ZNF385B: variants seen among roughly 807,000 people sequenced by gnomAD.
ZNF385B encodes zinc finger protein 533.
ZNF385B carries 23 observed loss-of-function variants against 39.2 expected under a neutral mutation model. The ratio of observed to expected loss-of-function variants is 0.59; its 90% confidence interval spans 0.42 to 0.83. ZNF385B has a LOEUF of 0.83. Among genes scored for constraint, ZNF385B ranks in the 40% least tolerant of loss-of-function variants. ZNF385B has a pLI of 0.00. For missense variants in ZNF385B, 552 were observed against 598.9 expected, an observed-to-expected ratio of 0.92 and a Z score of 0.82; for synonymous variants, 205 against 222.6, an observed-to-expected ratio of 0.92 and a Z score of 0.70.
In ZNF385B at chr2:179,510,655, T is replaced by TCCAGTTGTTAA. The variant is rs541189358; in HGVS notation, c.552+7862_552+7872dup. Among the ~76,000 whole-genome samples the TCCAGTTGTTAA allele has an allele frequency of 5.1e-3, 770 of 152,126 alleles. 8 individuals carry two copies. Among genetic ancestry groups the TCCAGTTGTTAA allele is most frequent in the African/African-American group, 0.018 (731 of 41,512 alleles). The stretch of plus-strand genomic sequence containing the variant: ...AATACCTCTGATTTAAAACAATGAA[T>TCCAGTTGTTAA]CCAGTTGTTAAGCTAAAAAAACTTC... On this transcript the variant is annotated intron_variant, in intron 5 of 9. Coordinates refer to ENST00000410066, the MANE Select transcript of ZNF385B (RefSeq NM_152520.6).
At chr2:179,787,115 AT>A (rs982640715) in intron 1 of ZNF385B, among the ~76,000 whole-genome samples, 5 of 151,640 alleles carry the variant, frequency 3.3e-5, no homozygotes, top group East Asian at 1.9e-4. Context: ...ATTATGATGG[AT>A]TTTTTTTGTA....
intron 3 of ZNF385B, among the ~76,000 whole-genome samples, chr2:179,547,994 A>G (rs1224408527): frequency 6.7e-6 from 1 of 149,564 alleles, no homozygotes; most frequent in Non-Finnish European, 1.5e-5. Context: ...TATTATAAAT[A>G]GGATTACCTT....
intron 1 of ZNF385B, among the ~76,000 whole-genome samples, chr2:179,840,050 G>C (rs1708462978): frequency 6.6e-6 from 1 of 152,246 alleles, no homozygotes; most frequent in Non-Finnish European, 1.5e-5. Context: ...ACAAGGGTGA[G>C]GGTCGATCTG....
At chr2:179,690,982 C>G (rs1388885158) in intron 3 of ZNF385B, among the ~76,000 whole-genome samples, 1 of 152,198 alleles carries the variant, frequency 6.6e-6, no homozygotes, top group Non-Finnish European at 1.5e-5. Flanking sequence ...TGACTCTGAT[C>G]TACTCCATCT....
At chr2:179,830,832 G>A (rs1707943143) in intron 1 of ZNF385B, among the ~76,000 whole-genome samples, 1 of 152,136 alleles carries the variant, frequency 6.6e-6, no homozygotes, top group South Asian at 2.1e-4. Flanking sequence ...ACAACACAAA[G>A]AGTGAACATT....
At chr2:179,580,997 C>T (rs889024596) in intron 3 of ZNF385B, among the ~76,000 whole-genome samples, 5 of 152,184 alleles carry the variant, frequency 3.3e-5, no homozygotes, top group African/African-American at 7.2e-5. Context: ...GTATAAACTA[C>T]TTTCCCTGGA....
chr2:179,653,314 G>A (rs1199148966), intron 3 of ZNF385B, among the ~76,000 whole-genome samples: 4 of 152,208 alleles, frequency 2.6e-5, no homozygotes, highest in Non-Finnish European at 5.9e-5. Context: ...GAAGAAGAGA[G>A]AAGTCAGGGT....
chr2:179,457,351 G>GT (rs1386156037), intron 6 of ZNF385B, among the ~76,000 whole-genome samples: 1 of 151,940 alleles, frequency 6.6e-6, no homozygotes. Context: ...TCTTTTAAGT[G>GT]TTTTTTGGTA....
At chr2:179,512,967 C>T (rs1036440831) in intron 5 of ZNF385B, among the ~76,000 whole-genome samples, 1 of 152,086 alleles carries the variant, frequency 6.6e-6, no homozygotes, top group African/African-American at 2.4e-5. Flanking sequence ...AAGGGGGGTA[C>T]AGGAACTTAA....
intron 1 of ZNF385B, among the ~76,000 whole-genome samples, chr2:179,811,907 C>A (rs1402120405): frequency 6.6e-6 from 1 of 152,084 alleles, no homozygotes; most frequent in Non-Finnish European, 1.5e-5. Context: ...ATGCATCTGA[C>A]AAATGTCTAA....
intron 5 of ZNF385B, among the ~76,000 whole-genome samples, chr2:179,495,557 C>T (rs926045937): frequency 3.3e-5 from 5 of 152,182 alleles, no homozygotes; most frequent in African/African-American, 1.2e-4. Flanking sequence ...GGGTAAGACC[C>T]AGTGCTGTGC....
intron 4 of ZNF385B, among the ~76,000 whole-genome samples, chr2:179,540,504 A>G (rs539407539): frequency 6.6e-6 from 1 of 152,010 alleles, no homozygotes; most frequent in Non-Finnish European, 1.5e-5. Context: ...AACAAAAAAA[A>G]CCACAGTTTT....
intron 1 of ZNF385B, among the ~76,000 whole-genome samples, chr2:179,823,415 A>G (rs569696491): frequency 6.6e-6 from 1 of 152,272 alleles, no homozygotes; most frequent in African/African-American, 2.4e-5. Flanking sequence ...GCTCATTTAT[A>G]AATCCTCCTT....
intron 1 of ZNF385B, among the ~76,000 whole-genome samples, chr2:179,858,855 A>C (rs980250938): frequency 3.3e-5 from 5 of 152,226 alleles, no homozygotes; most frequent in Non-Finnish European, 7.3e-5. Context: ...CTAATTGCTC[A>C]ATTTTTAAAA....
rs77248596 is a variant in ZNF385B, at chr2:179,566,663, T to C, written c.299-21694A>G. Among the ~76,000 whole-genome samples the C allele has an allele frequency of 6.4e-3, 981 of 152,312 alleles. 9 individuals are homozygous for C. Among genetic ancestry groups the C allele is most frequent in the African/African-American group, 0.023 (939 of 41,568 alleles). On this transcript the variant is annotated intron_variant, in intron 3 of 9. Coordinates refer to ENST00000410066, the MANE Select transcript of ZNF385B (RefSeq NM_152520.6). The stretch of plus-strand genomic sequence containing the variant: ...GAAGTCCTCTATAAAGTCCACATAT[T>C]TGAATTTTTAGAACTCAGAAATAAT...
intron 4 of ZNF385B, among the ~76,000 whole-genome samples, chr2:179,541,499 G>T (rs778031900): frequency 6.6e-6 from 1 of 151,952 alleles, no homozygotes; most frequent in Non-Finnish European, 1.5e-5. Context: ...TTCAACTATG[G>T]TCTCAGAGCA....
rs187341838 is a variant in ZNF385B, at chr2:179,766,065, C to G, written c.298+3438G>C. Among the ~76,000 whole-genome samples the G allele has an allele frequency of 7.3e-5, 11 of 150,944 alleles. No individual in the cohort carries two copies. The South Asian group carries it at 2.1e-3, about 29-fold the overall frequency. Reference sequence around the variant, plus strand: ...ACACACACACACACACACACACACACAGCAGACTGGTTTCAGGTACACTCT... The same window carrying G: ...ACACACACACACACACACACACACAGAGCAGACTGGTTTCAGGTACACTCT... On this transcript the variant is annotated intron_variant, in intron 3 of 9. Transcript: ENST00000410066.
chr2:179,670,240 C>T (rs1174979465), intron 3 of ZNF385B, among the ~76,000 whole-genome samples: 2 of 142,512 alleles, frequency 1.4e-5, no homozygotes, highest in South Asian at 2.2e-4. Context: ...TGCAGTGGGC[C>T]GAGATTGCGC....
chr2:179,699,520 C>T (rs1176627732), intron 3 of ZNF385B, among the ~76,000 whole-genome samples: 1 of 152,190 alleles, frequency 6.6e-6, no homozygotes, highest in Non-Finnish European at 1.5e-5. Context: ...TTTCACTACA[C>T]AATTATTAAA....
Sources: allele counts gnomAD v4.1 joint callset (sites outside exome capture counted in the v4.1 genomes callset), GRCh38; gene constraint gnomAD v4.1.1; transcripts MANE v1.5; gene names NCBI Gene and HGNC (gene_info 2026-07-23, HGNC 2026-07-21).